The following CADPS2 variants were observed in gnomAD, a reference collection of about 807,000 sequenced individuals.
CADPS2 encodes calcium-dependent secretion activator 2.
A neutral mutation model predicts 172.5 loss-of-function variants in CADPS2; 93 were observed. The ratio of observed to expected loss-of-function variants is 0.54; its 90% CI spans 0.46 to 0.64. The LOEUF is 0.64. Ranked by LOEUF, CADPS2 falls within the 30% of genes least tolerant of loss-of-function variation. The probability of loss-of-function intolerance (pLI) is 0.00; values close to 1 mark genes in which losing one functional copy is unlikely to be tolerated. For synonymous variants in CADPS2, 546 were observed against 555.2 expected (o/e 0.98, Z 0.23); for missense variants, 1,420 against 1,565.9 (o/e 0.91, Z 1.57).
chr7:122,323,343 A>G (rs1044157056), intron 29 of CADPS2, among the ~76,000 whole-genome samples: 4 of 152,140 alleles, frequency 2.6e-5, no homozygotes, highest in Non-Finnish European at 4.4e-5. Flanking sequence ...TATTGGTCAA[A>G]TATTGATCAT....
chr7:122,566,433 T>C (rs112546296), intron 7 of CADPS2, among the ~76,000 whole-genome samples: 128 of 152,208 alleles, frequency 8.4e-4, no homozygotes, highest in Non-Finnish European at 2.8e-4. Context: ...CCAAAGGAAA[T>C]GAAATCTGTA....
intron 27 of CADPS2, among the ~76,000 whole-genome samples, chr7:122,349,948 T>C (rs996635968): frequency 1.3e-5 from 2 of 152,144 alleles, no homozygotes; most frequent in African/African-American, 2.4e-5. Flanking sequence ...AGCAATACAC[T>C]ACACAAACAC....
intron 6 of CADPS2, among the ~76,000 whole-genome samples, chr7:122,594,891 T>C (rs1441141775): frequency 6.6e-6 from 1 of 151,740 alleles, no homozygotes; most frequent in East Asian, 2.0e-4. Context: ...AACTTACATA[T>C]AGGAAAGAAT....
At chr7:122,632,370 G>GT (rs965380431) in intron 3 of CADPS2, among the ~76,000 whole-genome samples, 1 of 152,154 alleles carries the variant, frequency 6.6e-6, no homozygotes, top group East Asian at 1.9e-4. Context: ...AACATCTGTT[G>GT]TTTTTTTGAC....
intron 8 of CADPS2, among the ~76,000 whole-genome samples, chr7:122,553,466 G>A (rs1288289344): frequency 6.6e-6 from 1 of 152,058 alleles, no homozygotes; most frequent in African/African-American, 2.4e-5. Context: ...CCATTTCTAA[G>A]AGCCCACCCT....
chr7:122,845,484 AAG>A (rs1382713625), intron 1 of CADPS2, among the ~76,000 whole-genome samples: 14 of 152,202 alleles, frequency 9.2e-5, no homozygotes, highest in African/African-American at 2.9e-4. Flanking sequence ...ACATCCACAC[AAG>A]AGAGTTAATT....
At chr7:122,777,721 C>A (rs765539733) in intron 1 of CADPS2, among the ~76,000 whole-genome samples, 2 of 152,046 alleles carry the variant, frequency 1.3e-5, no homozygotes, top group Non-Finnish European at 2.9e-5. Flanking sequence ...CTCCTTGCAG[C>A]CACCTTGAGA....
chr7:122,681,238 C>G, intron 2 of CADPS2: 1 of 714,480 alleles, frequency 1.4e-6, no homozygotes, highest in East Asian at 2.6e-5. Flanking sequence ...TGTAATGAAC[C>G]TGCACAATGT....
At chr7:122,872,053 T>A (rs1425629816) in intron 1 of CADPS2, among the ~76,000 whole-genome samples, 1 of 152,098 alleles carries the variant, frequency 6.6e-6, no homozygotes, top group Non-Finnish European at 1.5e-5. Context: ...AACAACTGAC[T>A]TGTAAAAATC....
intron 9 of CADPS2, among the ~76,000 whole-genome samples, 177 bp from the exon 10 acceptor site, chr7:122,491,597 T>C (rs576686427): frequency 6.6e-5 from 10 of 152,310 alleles, no homozygotes; most frequent in African/African-American, 2.2e-4. Context: ...CTTTCGTTTG[T>C]CAGCTTGCAT....
intron 5 of CADPS2, among the ~76,000 whole-genome samples, chr7:122,620,568 G>C (rs2075482032): frequency 6.6e-6 from 1 of 152,124 alleles, no homozygotes; most frequent in Non-Finnish European, 1.5e-5. Flanking sequence ...TTGGTTCCCA[G>C]TGATTTGCAT....
At chr7:122,383,313 A>C (rs897271493) in intron 24 of CADPS2, among the ~76,000 whole-genome samples, 15 of 152,036 alleles carry the variant, frequency 9.9e-5, no homozygotes, top group African/African-American at 3.4e-4. Flanking sequence ...TGGGAACAAC[A>C]GACACTGTGG....
chr7:122,690,562 T>C (rs1325826096), intron 2 of CADPS2, among the ~76,000 whole-genome samples: 1 of 152,326 alleles, frequency 6.6e-6, no homozygotes, highest in East Asian at 1.9e-4. Context: ...TTTGTCTCCC[T>C]ACTTTTAGGG....
chr7:122,659,321 A>AAC (rs2080234917), intron 3 of CADPS2, among the ~76,000 whole-genome samples: 1 of 151,550 alleles, frequency 6.6e-6, no homozygotes, highest in Non-Finnish European at 1.5e-5. Flanking sequence ...AAAAAAAAAA[A>AAC]AAAAACACCG....
chr7:122,644,257 C>T (rs1210041520), intron 3 of CADPS2, among the ~76,000 whole-genome samples: 2 of 152,182 alleles, frequency 1.3e-5, no homozygotes, highest in Non-Finnish European at 2.9e-5. Flanking sequence ...TGGATAATTG[C>T]ATTATCTACA....
chr7:122,374,428 AAAAT>A (rs1201085046), intron 25 of CADPS2, among the ~76,000 whole-genome samples: 1 of 152,102 alleles, frequency 6.6e-6, no homozygotes, highest in African/African-American at 2.4e-5. Context: ...AAAATAAAAT[AAAAT>A]AAATAAGTAA....
chr7:122,399,594 G>GCCC (rs1181508729), intron 20 of CADPS2, among the ~76,000 whole-genome samples: 1 of 144,442 alleles, frequency 6.9e-6, no homozygotes, highest in Non-Finnish European at 1.5e-5. Context: ...CACAATACTT[G>GCCC]CCCCATCAAT....
At chr7:122,642,948 T>C (rs1294781624) in intron 3 of CADPS2, among the ~76,000 whole-genome samples, 1 of 152,216 alleles carries the variant, frequency 6.6e-6, no homozygotes, top group Non-Finnish European at 1.5e-5. Context: ...ATAATATTTA[T>C]CTTTATCCTT....
At chr7:122,799,229 G>GA (rs5887115) in intron 1 of CADPS2, among the ~76,000 whole-genome samples, 29,739 of 152,056 alleles carry the variant, frequency 0.2, 3,025 homozygotes, top group Middle Eastern at 0.3. Flanking sequence ...ACTAATGCCA[G>GA]AAAAAACAGA....
Sources: allele counts gnomAD v4.1 joint callset (sites outside exome capture counted in the v4.1 genomes callset), GRCh38; gene constraint gnomAD v4.1.1; transcripts MANE v1.5; gene names NCBI Gene and HGNC (gene_info 2026-07-23, HGNC 2026-07-21).